The following ZW10 variants were observed in gnomAD, a reference collection of about 807,000 sequenced individuals.
The protein encoded by ZW10 is centromere/kinetochore protein zw10 homolog.
In ZW10, 53 loss-of-function variants were observed where a neutral mutation model predicts 87.8. The ratio of observed to expected loss-of-function variants is 0.60; its 90% CI spans 0.48 to 0.76. The LOEUF (loss-of-function observed/expected upper bound fraction) is 0.76. ZW10 is among the 30% of genes least tolerant of loss of function. The probability of loss-of-function intolerance (pLI) is 0.00; values close to 1 mark genes in which losing one functional copy is unlikely to be tolerated. For synonymous variants in ZW10, 312 were observed against 329.2 expected (o/e 0.95, Z 0.57); for missense variants, 837 against 923.0 (o/e 0.91, Z 1.21).
chr11:113,760,180 C>A (rs1953841795), intron 5 of ZW10, 29 bp downstream of exon 5: 1 of 1,605,360 alleles, frequency 6.2e-7, no homozygotes, highest in South Asian at 1.1e-5. Flanking sequence ...GCAGATGAAG[C>A]AAAGCAGTCC....
At chr11:113,756,685 G>T (rs2134885974) in intron 7 of ZW10, among the ~76,000 whole-genome samples, 1 of 152,256 alleles carries the variant, frequency 6.6e-6, no homozygotes, top group South Asian at 2.1e-4. Flanking sequence ...ATTCAGATTG[G>T]CTATCTGACC....
At chr11:113,750,693 G>T (rs2134879719) in intron 7 of ZW10, among the ~76,000 whole-genome samples, 1 of 152,190 alleles carries the variant, frequency 6.6e-6, no homozygotes, top group African/African-American at 2.4e-5. Flanking sequence ...TGTGAAAAAA[G>T]AATTGACAAA....
Position 113,733,556 on chromosome 11 carries a change from GTTC to G in ZW10, c.*135_*137del. 8.7e-7 allele frequency: 1 copy of G among 1,153,820 alleles called. No individual in the cohort carries two copies. Among genetic ancestry groups the G allele is most frequent in the East Asian group, 2.4e-5 (1 of 42,196 alleles). 71.5% of individuals were successfully genotyped at this position (1,153,820 alleles called of 1,614,324 possible). A position where few individuals can be genotyped will look rare whatever the true frequency, so the allele number is the denominator to read the frequency against. ...CCTCGTACAGGCCAGGAGGTAAGAC[GTTC>G]TTCTGTAAAGTCAAACTTCCAAGAT... On this transcript the variant is annotated 3_prime_UTR_variant, in exon 16 of 16. Transcript: ENST00000200135.
chr11:113,755,149 A>G (rs1024555559), intron 7 of ZW10, among the ~76,000 whole-genome samples: 2 of 152,228 alleles, frequency 1.3e-5, no homozygotes, highest in African/African-American at 4.8e-5. Context: ...TTGACTTTCA[A>G]GTCTTATTAT....
intron 2 of ZW10, among the ~76,000 whole-genome samples, chr11:113,764,840 G>A (rs1953895249): frequency 1.3e-5 from 2 of 152,120 alleles, no homozygotes; most frequent in South Asian, 4.1e-4. Flanking sequence ...ATTCTCTACT[G>A]ATTTTCCTCT....
At chr11:113,737,518 A>G in intron 14 of ZW10, 54 bp downstream of exon 14, 1 of 1,464,730 alleles carries the variant, frequency 6.8e-7, no homozygotes, top group South Asian at 1.6e-5. Context: ...GCAAAGTCAC[A>G]ATCTGGGACA....
chr11:113,736,744 G>A lies in ZW10; in HGVS notation c.2095C>T (p.Pro699Ser), dbSNP rs1953557646. The A allele has an allele frequency of 6.2e-7, 1 of 1,614,140 alleles. No individual in the cohort carries two copies. The highest frequency in any genetic ancestry group is 8.5e-7 in the Non-Finnish European group (1 of 1,180,024). ...TTGTTCTTGCTTTCTTCAGATAAAG[G>A]TGCAAATACTTGGGGTCCTTCATCC... ...VMDEGPQVFA[P>S]LSEESKNKKY... The change falls in exon 15 of 16, where the codon CCT (proline) becomes TCT (serine). Residue 699 changes from proline to serine, a missense_variant. By Grantham distance (74) the Pro-to-Ser change is moderately conservative. Transcript: ENST00000200135.
intron 15 of ZW10, among the ~76,000 whole-genome samples, chr11:113,736,363 C>T (rs1953553376): frequency 6.6e-6 from 1 of 152,010 alleles, no homozygotes; most frequent in South Asian, 2.1e-4. Context: ...GTTGCCAGAT[C>T]ACTTGTACAG....
chr11:113,741,852 G>T, intron 10 of ZW10, 87 bp from the exon 11 acceptor site: 1 of 852,712 alleles, frequency 1.2e-6, no homozygotes, highest in Non-Finnish European at 1.9e-6. Flanking sequence ...TCTTCAGTGA[G>T]AGTCATAAGC....
Position 113,744,044 on chromosome 11 carries a change from A to G in ZW10, c.1273-4T>C. The G allele has an allele frequency of 1.3e-6, 2 of 1,587,118 alleles. No individual in the cohort carries two copies. The highest frequency in any genetic ancestry group is 1.7e-6 in the Non-Finnish European group (2 of 1,156,558). On this transcript the variant is annotated splice_region_variant and splice_polypyrimidine_tract_variant and intron_variant, in intron 9 of 15. Coordinates refer to ENST00000200135, the MANE Select transcript of ZW10 (RefSeq NM_004724.4). Reference sequence around the variant, plus strand: ...TTATCTTAGAATCAGGAATAATCTAAGATTCAAACACAAAAATACAGAAAA... The same window carrying G: ...TTATCTTAGAATCAGGAATAATCTAGGATTCAAACACAAAAATACAGAAAA...
intron 9 of ZW10, 99 bp downstream of exon 9, chr11:113,747,432 A>C: frequency 8.8e-7 from 1 of 1,133,080 alleles, no homozygotes; most frequent in East Asian, 2.4e-5. Flanking sequence ...ACTCAGCTCA[A>C]CAACCGTCAT....
At chr11:113,745,676 G>A (rs1953670283) in intron 9 of ZW10, among the ~76,000 whole-genome samples, 1 of 152,170 alleles carries the variant, frequency 6.6e-6, no homozygotes, top group African/African-American at 2.4e-5. Context: ...ATGAGGAGGG[G>A]CAAAGGAAAC....
rs1347157539 is a variant in ZW10, at chr11:113,755,907, T to C, written c.925+1755A>G. Among the ~76,000 whole-genome samples the C allele has an allele frequency of 2.0e-5, 3 of 152,194 alleles. No homozygotes were observed. The East Asian group carries it at 5.8e-4, about 29-fold the overall frequency. ...TTTTTAATAATAATATATTTTTAAATTAAGGTATGTACACTTTTTAGACAT... is the reference window on the plus strand; with the variant it reads ...TTTTTAATAATAATATATTTTTAAACTAAGGTATGTACACTTTTTAGACAT... On this transcript the variant is annotated intron_variant, in intron 7 of 15. Coordinates refer to ENST00000200135, the MANE Select transcript of ZW10 (RefSeq NM_004724.4).
In ZW10 at chr11:113,748,328, C is replaced by T. The variant is rs1953701850; in HGVS notation, c.1018G>A (p.Glu340Lys). Residue 340 changes from glutamate to lysine, a missense_variant, in exon 8 of 16, where the codon GAG becomes AAG. Physicochemically the swap from Glu to Lys is moderately conservative, Grantham distance 56. Coordinates refer to ENST00000200135, the MANE Select transcript of ZW10 (RefSeq NM_004724.4). ...ACCAAACAGTTTTTGATGAGGCACT[C>T]AGACAAGTCCTCCCAGATCATGTCT... Reference protein sequence around the residue: ...LGDMIWEDLSECLIKNCLVYS... With the variant: ...LGDMIWEDLSKCLIKNCLVYS... 1 of 1,613,694 alleles carries T rather than the reference C, an allele frequency of 6.2e-7. No individual in the cohort carries two copies. The highest frequency in any genetic ancestry group is 1.3e-5 in the African/African-American group (1 of 74,916).
At chr11:113,763,770 C>T (rs1180109508) in intron 2 of ZW10, among the ~76,000 whole-genome samples, 1 of 152,134 alleles carries the variant, frequency 6.6e-6, no homozygotes, top group East Asian at 1.9e-4. Context: ...ACCTTTGTCA[C>T]ATGGGTAGAT....
chr11:113,771,713 G>C (rs892040385), intron 1 of ZW10: 2 of 152,154 alleles, frequency 1.3e-5, no homozygotes, highest in East Asian at 3.9e-4. Flanking sequence ...CGTCCCTCGG[G>C]CTGGAACGCA....
At chr11:113,740,526 A>G (rs1387726994) in intron 11 of ZW10, among the ~76,000 whole-genome samples, 1 of 152,190 alleles carries the variant, frequency 6.6e-6, no homozygotes, top group African/African-American at 2.4e-5. Flanking sequence ...CGAGGCTGCA[A>G]TGAGCCATGA....
At chr11:113,746,516 CA>C (rs1953678825) in intron 9 of ZW10, among the ~76,000 whole-genome samples, 1 of 101,772 alleles carries the variant, frequency 9.8e-6, no homozygotes, top group Non-Finnish European at 1.9e-5. Context: ...AAAAAAAAAA[CA>C]ACAACAAAAC....
At chr11:113,740,537 T>C (rs1166441016) in intron 11 of ZW10, among the ~76,000 whole-genome samples, 1 of 152,152 alleles carries the variant, frequency 6.6e-6, no homozygotes, top group African/African-American at 2.4e-5. Context: ...TGAGCCATGA[T>C]TGCACCACTG....
Sources: gnomAD v4.1 joint callset for allele counts (sites outside exome capture counted in the v4.1 genomes callset) on GRCh38, gnomAD v4.1.1 for gene constraint, MANE v1.5 for transcripts, NCBI Gene and HGNC (gene_info 2026-07-23, HGNC 2026-07-21) for gene names.